SCEL: variants seen among roughly 807,000 people sequenced by gnomAD.
SCEL encodes sciellin.
A neutral mutation model predicts 117.6 loss-of-function variants in SCEL; 113 were observed. The ratio of observed to expected loss-of-function variants is 0.96; its 90% CI spans 0.83 to 1.12. SCEL has a LOEUF of 1.12. Ranked by LOEUF, SCEL falls within the 50% of genes most tolerant of loss-of-function variation. The probability of loss-of-function intolerance (pLI) is 0.00; values close to 1 mark genes in which losing one functional copy is unlikely to be tolerated. For missense variants in SCEL, 785 were observed against 810.8 expected, an observed-to-expected ratio of 0.97 and a Z score of 0.39; for synonymous variants, 270 against 256.2, an observed-to-expected ratio of 1.05 and a Z score of -0.51.
intron 15 of SCEL, 109 bp downstream of exon 15, chr13:77,599,857 C>G: frequency 1.3e-6 from 1 of 780,366 alleles, no homozygotes; most frequent in Non-Finnish European, 2.3e-6. Context: ...GTGGAATAAG[C>G]CTTAGACTGG....
chr13:77,592,851 C>G (rs184552252), intron 11 of SCEL, among the ~76,000 whole-genome samples: 107 of 152,182 alleles, frequency 7.0e-4, no homozygotes, highest in Admixed American at 1.6e-3. Context: ...AGGTGTGAAC[C>G]ACCACACCCA....
chr13:77,553,144 G>A lies in SCEL; in HGVS notation c.-19-2713G>A, dbSNP rs527880122. On this transcript the variant is annotated intron_variant, in intron 1 of 32. Transcript: ENST00000349847. ...GTGGAAACTTCAACATACGAATTTT[G>A]GAGGAACGTGACTTGGCCAATAACA... Among the ~76,000 whole-genome samples the A allele has an allele frequency of 3.9e-5, 6 of 152,266 alleles. No homozygotes were observed. In the South Asian group the frequency reaches 1.2e-3, roughly 32 times the overall value.
intron 4 of SCEL, among the ~76,000 whole-genome samples, chr13:77,562,159 C>T (rs555220825): frequency 4.6e-5 from 7 of 152,094 alleles, no homozygotes; most frequent in Non-Finnish European, 1.0e-4. Flanking sequence ...TTCCACAGAA[C>T]TTGCATCCTA....
chr13:77,591,567 G>A (rs942873981), intron 11 of SCEL, 107 bp downstream of exon 11: 4 of 658,828 alleles, frequency 6.1e-6, no homozygotes, highest in Non-Finnish European at 1.0e-5. Flanking sequence ...GACAAAATCA[G>A]TTTTCCAACT....
chr13:77,635,546 A>C (rs1053060085), intron 29 of SCEL, among the ~76,000 whole-genome samples: 2 of 152,312 alleles, frequency 1.3e-5, no homozygotes, highest in East Asian at 3.9e-4. Context: ...GAAATTTCTT[A>C]TGGGAACTAA....
chr13:77,572,061 C>T (rs1207269918), intron 8 of SCEL, 63 bp from the exon 9 acceptor site: 1 of 1,347,572 alleles, frequency 7.4e-7, no homozygotes, highest in Non-Finnish European at 1.1e-6. Flanking sequence ...AAATTATTTT[C>T]AGACATGTGG....
intron 19 of SCEL, among the ~76,000 whole-genome samples, chr13:77,604,936 A>G (rs1310096321): frequency 1.3e-5 from 2 of 151,980 alleles, no homozygotes; most frequent in East Asian, 1.9e-4. Context: ...TATGATCTAC[A>G]TGCGTGTGTG....
rs942989717 is a variant in SCEL, at chr13:77,546,686, A to C, written c.-19-9171A>C. 7.9e-5 allele frequency among the ~76,000 whole-genome samples: 12 copies of C among 150,988 alleles called. No individual in the cohort carries two copies. The South Asian group carries it at 1.2e-3, about 16-fold the overall frequency. On this transcript the variant is annotated intron_variant, in intron 1 of 32. Coordinates refer to ENST00000349847, the MANE Select transcript of SCEL (RefSeq NM_144777.3). ...AAGGCTTGAGTAACAACAACAACAA[A>C]AAAAAAAAAAGGAAAAGAAATCTCT...
At position 77,607,659 on chromosome 13, in the gene SCEL, A is replaced by G. The variant is rs541903827; in HGVS notation, c.1158-397A>G. Among the ~76,000 whole-genome samples the G allele has an allele frequency of 3.3e-5, 5 of 152,352 alleles. No individual in the cohort carries two copies. In the East Asian group the frequency reaches 9.6e-4, roughly 29 times the overall value. ...TCCAAAGCTGGTTTTAAAGTTCTAC[A>G]TGTTGGAGGTTGATAAAGAGTATGC... On this transcript the variant is annotated intron_variant, in intron 19 of 32. Transcript: ENST00000349847.
Position 77,609,061 on chromosome 13 carries a change from C to A in SCEL, c.1221C>A (p.Ser407=). The A allele has an allele frequency of 6.3e-7, 1 of 1,586,430 alleles. No homozygotes were observed. The highest frequency in any genetic ancestry group is 8.5e-7 in the Non-Finnish European group (1 of 1,171,650). ...TTTTTTGTTTTTTTGTTTGAAGTTC[C>A]AAAGACCTTAATAACTTCATCAAAG... ...TPEVKRSNQG[S]KDLNNFIKVY... Residue 407 remains serine (S), a synonymous_variant, in exon 21 of 33, where the codon TCC becomes TCA. Transcript: ENST00000349847.
chr13:77,572,404 G>A (rs2085691744), intron 9 of SCEL, among the ~76,000 whole-genome samples: 1 of 152,174 alleles, frequency 6.6e-6, no homozygotes, highest in African/African-American at 2.4e-5. Flanking sequence ...GTAGGTGGCT[G>A]TATTAGATTG....
rs544619095 is a variant in SCEL, at chr13:77,559,739, C to T, written c.162-65C>T. ...TGGGAGCTCGCCCGCATGTCTCTCT[C>T]ATTTAGTGCTTGGTCAACATTGTGG... On this transcript the variant is annotated intron_variant, in intron 3 of 32. Coordinates refer to ENST00000349847, the MANE Select transcript of SCEL (RefSeq NM_144777.3). 1.1e-5 allele frequency: 16 copies of T among 1,443,102 alleles called. No homozygotes were observed. In the East Asian group the frequency reaches 2.3e-4, roughly 21 times the overall value. 89.4% of individuals were successfully genotyped at this position (1,443,102 alleles called of 1,614,324 possible).
intron 20 of SCEL, 112 bp downstream of exon 20, chr13:77,608,227 A>G (rs1476359214): frequency 1.4e-6 from 1 of 699,290 alleles, no homozygotes; most frequent in Non-Finnish European, 2.4e-6. Context: ...GCTGAACCCC[A>G]TTACTTACCA....
intron 4 of SCEL, among the ~76,000 whole-genome samples, 195 bp from the exon 5 acceptor site, chr13:77,563,636 T>C (rs1045997856): frequency 1.3e-5 from 2 of 152,224 alleles, no homozygotes; most frequent in African/African-American, 4.8e-5. Context: ...TTTATTAGCA[T>C]AGGATATTGG....
chr13:77,547,995 C>A (rs2084089217), intron 1 of SCEL, among the ~76,000 whole-genome samples: 1 of 152,158 alleles, frequency 6.6e-6, no homozygotes. Flanking sequence ...GGCCAAAACC[C>A]CAGATGGTTG....
At chr13:77,619,864 C>T (rs1275900966) in intron 27 of SCEL, among the ~76,000 whole-genome samples, 4 of 152,212 alleles carry the variant, frequency 2.6e-5, no homozygotes, top group African/African-American at 7.2e-5. Context: ...CTCCCACATC[C>T]CCTTCCCAAC....
At chr13:77,554,065 G>T (rs761087594) in intron 1 of SCEL, among the ~76,000 whole-genome samples, 1 of 152,106 alleles carries the variant, frequency 6.6e-6, no homozygotes, top group African/African-American at 2.4e-5. Context: ...TTTCTGAGAG[G>T]CATTTGGGTG....
Position 77,627,950 on chromosome 13 carries a change from C to A in SCEL, c.1632C>A (p.Asp544Glu). Residue 544 changes from aspartate (D) to glutamate (E), a missense_variant, in exon 28 of 33, where the codon GAC (aspartate) becomes GAA (glutamate). Transcript: ENST00000349847. Reference protein sequence around the residue: ...KPSALRNTNRDQNLENLIEVN... With the variant: ...KPSALRNTNREQNLENLIEVN... ...ATATATATATTTTTTTCCTTAGAGA[C>A]CAGAACCTGGAAAATTTAATTGAAG... 4 of 1,433,994 alleles carry A rather than the reference C, an allele frequency of 2.8e-6. No individual in the cohort carries two copies. The highest frequency in any genetic ancestry group is 2.9e-6 in the Non-Finnish European group (3 of 1,041,906). 88.8% of individuals were successfully genotyped at this position (1,433,994 alleles called of 1,614,324 possible).
At chr13:77,578,513 A>G (rs1176499455) in intron 9 of SCEL, among the ~76,000 whole-genome samples, 2 of 152,164 alleles carry the variant, frequency 1.3e-5, no homozygotes, top group African/African-American at 2.4e-5. Context: ...TAACCATACC[A>G]TAAGATCAAC....
Sources: gnomAD v4.1 joint callset for allele counts (sites outside exome capture counted in the v4.1 genomes callset) on GRCh38, gnomAD v4.1.1 for gene constraint, MANE v1.5 for transcripts, NCBI Gene and HGNC (gene_info 2026-07-23, HGNC 2026-07-21) for gene names.